The following CARD8 variants were observed in gnomAD, a reference collection of about 807,000 sequenced individuals.
CARD8 encodes caspase recruitment domain family member 8, also known as caspase recruitment domain-containing protein 8.
A neutral mutation model predicts 53.2 loss-of-function variants in CARD8; 38 were observed. The ratio of observed to expected loss-of-function variants is 0.71; its 90% CI spans 0.55 to 0.94. The LOEUF is 0.94. Among genes scored for constraint, CARD8 ranks in the 40% least tolerant of loss-of-function variants. The pLI, the probability that CARD8 is intolerant of heterozygous loss-of-function variation, is 0.00. For missense variants in CARD8, 561 were observed against 655.5 expected, an observed-to-expected ratio of 0.86 and a Z score of 1.57; for synonymous variants, 245 against 244.9, an observed-to-expected ratio of 1.00 and a Z score of 0.00.
chr19:48,225,363 T>C lies in CARD8; in HGVS notation c.1036-3508A>G, dbSNP rs568043531. Among the ~76,000 whole-genome samples the C allele has an allele frequency of 4.6e-5, 7 of 152,106 alleles. No homozygotes were observed. The South Asian group carries it at 1.5e-3, about 32-fold the overall frequency. On this transcript the variant is annotated intron_variant, in intron 10 of 13. Transcript: ENST00000651546. ...AGAATTAGTGGGGTGTGGTGGCGCATGCCTGTAGTCTCAGCTACTCGGGAC... is the reference window on the plus strand; with the variant it reads ...AGAATTAGTGGGGTGTGGTGGCGCACGCCTGTAGTCTCAGCTACTCGGGAC...
intron 10 of CARD8, among the ~76,000 whole-genome samples, chr19:48,229,569 G>T (rs947097358): frequency 6.6e-6 from 1 of 152,200 alleles, no homozygotes; most frequent in Non-Finnish European, 1.5e-5. Flanking sequence ...TAGACGGGGG[G>T]ACGATACAAT....
At chr19:48,224,081 C>G (rs2041253334) in intron 10 of CARD8, among the ~76,000 whole-genome samples, 1 of 152,170 alleles carries the variant, frequency 6.6e-6, no homozygotes, top group Non-Finnish European at 1.5e-5. Flanking sequence ...CCTGCCTCAG[C>G]CTCCTGAGTA....
At chr19:48,217,797 T>C (rs1459476671) in intron 12 of CARD8, among the ~76,000 whole-genome samples, 1 of 152,224 alleles carries the variant, frequency 6.6e-6, no homozygotes, top group Admixed American at 6.5e-5. Context: ...TTCAAGGAAC[T>C]ATCAGGAGAT....
chr19:48,248,696 C>T (rs1414809306), intron 3 of CARD8, among the ~76,000 whole-genome samples: 1 of 152,172 alleles, frequency 6.6e-6, no homozygotes, highest in African/African-American at 2.4e-5. Flanking sequence ...GACTTCAAGA[C>T]ACACCTACCC....
intron 5 of CARD8, among the ~76,000 whole-genome samples, chr19:48,235,423 G>A (rs2043696186): frequency 6.6e-6 from 1 of 152,156 alleles, no homozygotes; most frequent in Admixed American, 6.5e-5. Context: ...GCTCTTGCCT[G>A]CCACCATGTA....
intron 6 of CARD8, chr19:48,233,211 C>T (rs2043230538): frequency 2.5e-6 from 1 of 397,602 alleles, no homozygotes; most frequent in South Asian, 1.9e-5. Context: ...CTATGACATA[C>T]AGCGTGAGCC....
At chr19:48,243,864 G>C (rs190986447) in intron 3 of CARD8, among the ~76,000 whole-genome samples, 1 of 152,188 alleles carries the variant, frequency 6.6e-6, no homozygotes, top group East Asian at 1.9e-4. Context: ...AAACGAAATG[G>C]AATTTTTTCC....
At chr19:48,244,432 A>AGT (rs1382991218) in intron 3 of CARD8, among the ~76,000 whole-genome samples, 1 of 152,186 alleles carries the variant, frequency 6.6e-6, no homozygotes, top group African/African-American at 2.4e-5. Context: ...AGGAACAGGG[A>AGT]GGAAGTGCAG....
intron 5 of CARD8, among the ~76,000 whole-genome samples, chr19:48,235,190 CTCT>C (rs149137624): frequency 6.6e-6 from 1 of 152,072 alleles, no homozygotes; most frequent in African/African-American, 2.4e-5. Context: ...AGATCCTTTT[CTCT>C]TCTTCATTTT....
chr19:48,233,511 T>C, intron 6 of CARD8: 1 of 407,436 alleles, frequency 2.5e-6, no homozygotes, highest in Non-Finnish European at 4.9e-6. Context: ...TAAGACTGGT[T>C]GCTGTCTGCG....
chr19:48,223,743 CTTTA>C (rs2041171155), intron 10 of CARD8: 1 of 420,286 alleles, frequency 2.4e-6, no homozygotes, highest in African/African-American at 2.1e-5. Flanking sequence ...TCTTAACCTT[CTTTA>C]TTTGTTATAG....
At chr19:48,207,742 T>TTTTTTTTTTTTTTTTTTTTTTTTC (rs1568595977), downstream of CARD8, among the ~76,000 whole-genome samples, 2 of 132,440 alleles carry the variant, frequency 1.5e-5, no homozygotes, top group Non-Finnish European at 1.6e-5. Context: ...CTGTTTTTTT[T>TTTTTTTTTTTTTTTTTTTTTTTTC]TTTTTTTTTT....
At chr19:48,248,122 T>C (rs534018192) in intron 3 of CARD8, among the ~76,000 whole-genome samples, 1 of 152,174 alleles carries the variant, frequency 6.6e-6, no homozygotes, top group Non-Finnish European at 1.5e-5. Context: ...AAGAAAAAAA[T>C]GCAAAATTAC....
At chr19:48,236,361 C>G (rs1263125635) in intron 5 of CARD8, among the ~76,000 whole-genome samples, 1 of 151,524 alleles carries the variant, frequency 6.6e-6, no homozygotes, top group Admixed American at 6.6e-5. Context: ...TACAGGCATG[C>G]ACCAGCACAC....
chr19:48,230,089 G>A (rs929923864), intron 10 of CARD8, among the ~76,000 whole-genome samples: 2 of 152,002 alleles, frequency 1.3e-5, no homozygotes, highest in Non-Finnish European at 2.9e-5. Flanking sequence ...CTCCAGCCTG[G>A]GTGACAGAGT....
rs566732881 is a variant in CARD8 at position 48,228,270 on chromosome 19, A to C, written c.1035+2168T>G. On this transcript the variant is annotated intron_variant, in intron 10 of 13. Coordinates refer to ENST00000651546, the MANE Select transcript of CARD8 (RefSeq NM_001184900.3). Reference sequence around the variant, plus strand: ...CATCATATATTACAATGTAATAATAATCGAAATAAAGTGCACAATAACTTT... The same window carrying C: ...CATCATATATTACAATGTAATAATACTCGAAATAAAGTGCACAATAACTTT... 1.0e-3 allele frequency among the ~76,000 whole-genome samples: 152 copies of C among 152,364 alleles called. 1 individual carries two copies. Among genetic ancestry groups the C allele is most frequent in the African/African-American group, 3.6e-3 (150 of 41,590 alleles).
chr19:48,240,205 G>A (rs553726505), intron 4 of CARD8, among the ~76,000 whole-genome samples: 1 of 152,314 alleles, frequency 6.6e-6, no homozygotes, highest in East Asian at 1.9e-4. Flanking sequence ...CTACAAATGA[G>A]ACATAAACCT....
At chr19:48,213,053 T>G (rs2038357399) in intron 13 of CARD8, 1 of 152,204 alleles carries the variant, frequency 6.6e-6, no homozygotes, top group South Asian at 2.1e-4. Context: ...GACGAAGACA[T>G]GGAGAAACAT....
intron 6 of CARD8, chr19:48,233,172 G>A (rs529187797): frequency 3.4e-4 from 122 of 362,480 alleles, no homozygotes; most frequent in South Asian, 7.8e-4. Flanking sequence ...AAGCCTCACA[G>A]GTGATTCCAA....
Sources: gnomAD v4.1 joint callset for allele counts (sites outside exome capture counted in the v4.1 genomes callset) on GRCh38, gnomAD v4.1.1 for gene constraint, MANE v1.5 for transcripts, NCBI Gene and HGNC (gene_info 2026-07-23, HGNC 2026-07-21) for gene names.